The following FBXO42 variants were observed in gnomAD, a reference collection of about 807,000 sequenced individuals.
The protein encoded by FBXO42 is F-box only protein 42.
Under a neutral mutation model 71.7 loss-of-function variants are expected in FBXO42, and 12 were observed. The observed-to-expected ratio is 0.17, with a 90% CI of 0.11 to 0.27. The LOEUF is 0.27. Among genes scored for constraint, FBXO42 ranks in the 10% least tolerant of loss-of-function variants. FBXO42 has a pLI of 1.00. For missense variants in FBXO42, 707 were observed against 911.9 expected, an observed-to-expected ratio of 0.78 and a Z score of 2.89; for synonymous variants, 325 against 327.5, an observed-to-expected ratio of 0.99 and a Z score of 0.08.
chr1:16,259,189 G>T (rs144397459), intron 4 of FBXO42, among the ~76,000 whole-genome samples: 1 of 152,286 alleles, frequency 6.6e-6, no homozygotes, highest in East Asian at 1.9e-4. Flanking sequence ...TCCCCAAGGG[G>T]ATCTATCTCC....
intron 4 of FBXO42, among the ~76,000 whole-genome samples, chr1:16,259,719 T>C (rs956976199): frequency 6.7e-6 from 1 of 149,916 alleles, no homozygotes. Flanking sequence ...TGAGCCGAGA[T>C]TGAGCCACTG....
chr1:16,288,957 CAA>C (rs201709602), intron 4 of FBXO42, among the ~76,000 whole-genome samples: 25 of 79,162 alleles, frequency 3.2e-4, no homozygotes, highest in Admixed American at 5.8e-4. Flanking sequence ...GACTATGTCT[CAA>C]AAAAAAAAAA....
intron 4 of FBXO42, among the ~76,000 whole-genome samples, chr1:16,286,285 G>T (rs981683971): frequency 1.3e-5 from 2 of 152,144 alleles, no homozygotes; most frequent in African/African-American, 4.8e-5. Context: ...CCAAGACTGA[G>T]TAATTTATAA....
At chr1:16,337,882 T>TGAAAAAA in intron 1 of FBXO42, among the ~76,000 whole-genome samples, 1 of 18,048 alleles carries the variant, frequency 5.5e-5, no homozygotes, top group African/African-American at 1.8e-4. Flanking sequence ...AGACTCCGTC[T>TGAAAAAA]CAAAAAAAAA....
At chr1:16,300,260 T>C (rs2082177280) in intron 3 of FBXO42, among the ~76,000 whole-genome samples, 1 of 152,202 alleles carries the variant, frequency 6.6e-6, no homozygotes, top group African/African-American at 2.4e-5. Flanking sequence ...CTATTCCAAC[T>C]GGTAAATCTC....
chr1:16,305,219 T>A (rs954502570), intron 3 of FBXO42, among the ~76,000 whole-genome samples: 1 of 151,056 alleles, frequency 6.6e-6, no homozygotes, highest in Non-Finnish European at 1.5e-5. Flanking sequence ...ACCCCATCTC[T>A]ACAAATAATT....
intron 4 of FBXO42, among the ~76,000 whole-genome samples, chr1:16,291,631 C>T (rs992264080): frequency 2.0e-5 from 3 of 152,068 alleles, no homozygotes; most frequent in Non-Finnish European, 1.5e-5. Flanking sequence ...ATCCTCTCAC[C>T]TCAGCCTCTC....
At chr1:16,306,933 C>T (rs556664875) in intron 2 of FBXO42, among the ~76,000 whole-genome samples, 82 of 152,162 alleles carry the variant, frequency 5.4e-4, no homozygotes, top group South Asian at 1.7e-3. Flanking sequence ...GACAGAGTCT[C>T]GCTCTGTTGC....
chr1:16,350,758 A>AGAAAGG (rs1247289623), intron 1 of FBXO42, among the ~76,000 whole-genome samples: 2 of 30,302 alleles, frequency 6.6e-5, no homozygotes, highest in Non-Finnish European at 1.7e-4. Context: ...AAAAAAAAAA[A>AGAAAGG]AAGAAAGAAA....
chr1:16,296,679 A>C (rs1252685039), intron 3 of FBXO42, among the ~76,000 whole-genome samples: 1 of 151,744 alleles, frequency 6.6e-6, no homozygotes, highest in African/African-American at 2.4e-5. Flanking sequence ...CAAAAACAAA[A>C]AACACCAACA....
chr1:16,259,239 T>C (rs2081682789), intron 4 of FBXO42, among the ~76,000 whole-genome samples: 1 of 152,224 alleles, frequency 6.6e-6, no homozygotes, highest in Non-Finnish European at 1.5e-5. Flanking sequence ...ATGGTCTAGT[T>C]AAAACACAAC....
chr1:16,252,202 C>T lies in FBXO42; in HGVS notation c.1038+86G>A. ...CACCAAGGTGTTTTCTATTTTTGTA[C>T]AAATTTCTTTGTAACCTGACAAAGT... On this transcript the variant is annotated intron_variant, in intron 9 of 9. Transcript: ENST00000375592. This position sits in a 1 kb window ranked among gnomAD's most constrained non-coding sequence, Gnocchi z 4.4. 9.5e-7 allele frequency: 1 copy of T among 1,051,468 alleles called. No individual in the cohort carries two copies. The highest frequency in any genetic ancestry group is 1.5e-6 in the Non-Finnish European group (1 of 688,964). 65.1% of individuals were successfully genotyped at this position (1,051,468 alleles called of 1,614,324 possible). A position where few individuals can be genotyped will look rare whatever the true frequency, so the allele number is the denominator to read the frequency against.
intron 1 of FBXO42, among the ~76,000 whole-genome samples, chr1:16,348,826 C>T (rs569280326): frequency 6.6e-6 from 1 of 152,296 alleles, no homozygotes; most frequent in East Asian, 1.9e-4. Context: ...TACTAATAAC[C>T]ACCTATAATC....
intron 4 of FBXO42, among the ~76,000 whole-genome samples, chr1:16,285,263 T>C (rs2082009700): frequency 6.6e-6 from 1 of 152,080 alleles, no homozygotes; most frequent in Non-Finnish European, 1.5e-5. Context: ...AAAAAATCAA[T>C]GTATTGTTTA....
intron 4 of FBXO42, among the ~76,000 whole-genome samples, chr1:16,275,369 G>A (rs1412455380): frequency 6.6e-6 from 1 of 152,140 alleles, no homozygotes; most frequent in East Asian, 1.9e-4. Flanking sequence ...TGTAATCTCG[G>A]TACTTCGAGA....
chr1:16,287,346 C>T (rs1194471561), intron 4 of FBXO42, among the ~76,000 whole-genome samples: 2 of 152,194 alleles, frequency 1.3e-5, no homozygotes, highest in African/African-American at 2.4e-5. Context: ...ATCCTCCTAG[C>T]CATACTGTAG....
rs769493715 is a variant in FBXO42 at position 16,251,403 on chromosome 1, T to C, written c.1421A>G (p.Tyr474Cys). Residue 474 changes from tyrosine to cysteine, a missense_variant, in exon 10 of 10, where the codon TAC (tyrosine) becomes TGC (cysteine). Around this residue, in one of 5 missense-constraint regions of FBXO42, gnomAD observed 482 missense variants for 587.1 expected, o/e 0.82. Coordinates refer to ENST00000375592, the MANE Select transcript of FBXO42 (RefSeq NM_018994.3). This position sits in a 1 kb window ranked among gnomAD's most constrained non-coding sequence, Gnocchi z 4.5. ...CAAAGAAAGTCCTATTTTCAGGTCG[T>C]ATCCTTCAGGAGCAGATGGAGTACT... Reference protein sequence around the residue: ...SPSTPSAPEGYDLKIGLSLAP... With the variant: ...SPSTPSAPEGCDLKIGLSLAP... The C allele has an allele frequency of 1.1e-5, 18 of 1,614,088 alleles. No homozygotes were observed. The East Asian group carries it at 3.8e-4, about 34-fold the overall frequency.
At position 16,252,575 on chromosome 1, in the gene FBXO42, C is replaced by T. The variant is rs4661729; in HGVS notation, c.922-171G>A. Among the ~76,000 whole-genome samples the T allele has an allele frequency of 0.33, 50,243 of 152,120 alleles. 8,665 individuals carry two copies. Among genetic ancestry groups the T allele is most frequent in the Non-Finnish European group, 0.37 (24,932 of 68,000 alleles). ...ATTCAGTTGTGCATGCATCCACTTA[C>T]GCTTTCATTCATTCATATATTACCA... On this transcript the variant is annotated intron_variant, in intron 8 of 9. Coordinates refer to ENST00000375592, the MANE Select transcript of FBXO42 (RefSeq NM_018994.3). The surrounding 1 kb of genome is among the most constrained non-coding windows in gnomAD (Gnocchi z 4.4).
At chr1:16,352,222 C>T (rs967813447) in intron 1 of FBXO42, 33 bp downstream of exon 1, 1 of 394,096 alleles carries the variant, frequency 2.5e-6, no homozygotes, top group Non-Finnish European at 4.5e-6. Context: ...CGCCGGCTCC[C>T]CTCTGCGGCC....
Sources: gnomAD v4.1 joint callset for allele counts (sites outside exome capture counted in the v4.1 genomes callset) on GRCh38, gnomAD v4.1.1 for gene constraint, gnomAD v4.1.1 regional missense constraint, Gnocchi (gnomAD v3.1) non-coding constraint, MANE v1.5 for transcripts, NCBI Gene and HGNC (gene_info 2026-07-23, HGNC 2026-07-21) for gene names.